The following CDC5L variants were observed in gnomAD, a reference collection of about 807,000 sequenced individuals.
CDC5L encodes the protein cell division cycle 5-like protein.
CDC5L carries 18 observed loss-of-function variants against 104.1 expected under a neutral mutation model. The ratio of observed to expected loss-of-function variants is 0.17; its 90% CI spans 0.12 to 0.26. The LOEUF is 0.26. CDC5L is among the 10% of genes least tolerant of loss of function. The pLI, the probability that CDC5L is intolerant of heterozygous loss-of-function variation, is 1.00. For missense variants in CDC5L, 673 were observed against 956.9 expected, an observed-to-expected ratio of 0.70 and a Z score of 3.91; for synonymous variants, 331 against 322.7, an observed-to-expected ratio of 1.03 and a Z score of -0.28.
At position 44,426,700 on chromosome 6, in the gene CDC5L, G is replaced by A. The variant is rs1238735468; in HGVS notation, c.1869G>A (p.Lys623=). The change falls in exon 13 of 16, where the codon AAG becomes AAA. Residue 623 remains lysine, a synonymous_variant. Coordinates refer to ENST00000371477, the MANE Select transcript of CDC5L (RefSeq NM_001253.4). ...ATCTGGAACATAATCCTTATGAAAA[G>A]TTCTCCAAAGAAGAGCTGAAAAAGG... ...ITYLEHNPYE[K]FSKEELKKAQ... is the part of the protein sequence containing the mutation. The A allele has an allele frequency of 6.2e-7, 1 of 1,612,732 alleles. No homozygotes were observed. The highest frequency in any genetic ancestry group is 8.5e-7 in the Non-Finnish European group (1 of 1,179,376).
intron 15 of CDC5L, 26 bp from the exon 16 acceptor site, chr6:44,446,581 T>A: frequency 8.7e-7 from 1 of 1,150,908 alleles, no homozygotes; most frequent in Non-Finnish European, 1.3e-6. Flanking sequence ...ACATCTAAAA[T>A]AATTACTTAA....
intron 5 of CDC5L, among the ~76,000 whole-genome samples, chr6:44,400,310 T>G (rs1194871176): frequency 6.6e-6 from 1 of 152,242 alleles, no homozygotes; most frequent in African/African-American, 2.4e-5. Context: ...ACATTTTAGA[T>G]GATATACTGT....
chr6:44,419,922 G>A (rs1792085250), intron 9 of CDC5L, among the ~76,000 whole-genome samples: 1 of 152,082 alleles, frequency 6.6e-6, no homozygotes, highest in Non-Finnish European at 1.5e-5. Context: ...ACAGACATCC[G>A]CCACCATGCC....
At chr6:44,392,494 T>C (rs1378568146) in intron 2 of CDC5L, among the ~76,000 whole-genome samples, 173 bp from the exon 3 acceptor site, 1 of 152,184 alleles carries the variant, frequency 6.6e-6, no homozygotes, top group Non-Finnish European at 1.5e-5. Flanking sequence ...TAGAATGTGA[T>C]GAGATGGGGA....
chr6:44,434,383 C>A (rs1259703788), intron 14 of CDC5L, among the ~76,000 whole-genome samples: 1 of 152,000 alleles, frequency 6.6e-6, no homozygotes, highest in African/African-American at 2.4e-5. Flanking sequence ...TAATTACTTT[C>A]TTGGACCTGC....
chr6:44,419,677 G>T, intron 9 of CDC5L, 80 bp downstream of exon 9: 1 of 1,032,632 alleles, frequency 9.7e-7, no homozygotes, highest in South Asian at 1.3e-5. Context: ...AATGTTTACG[G>T]AGAATGACTA....
chr6:44,400,168 G>T (rs1365374598), intron 5 of CDC5L, among the ~76,000 whole-genome samples: 1 of 151,960 alleles, frequency 6.6e-6, no homozygotes, highest in Non-Finnish European at 1.5e-5. Flanking sequence ...GAACATAATG[G>T]CTACTTTCAA....
intron 1 of CDC5L, among the ~76,000 whole-genome samples, chr6:44,389,392 A>G (rs555901039): frequency 6.6e-6 from 1 of 152,324 alleles, no homozygotes; most frequent in Non-Finnish European, 1.5e-5. Context: ...TGGGAGATGT[A>G]GAGGATGGAG....
At chr6:44,428,546 A>G (rs1367604702) in intron 13 of CDC5L, among the ~76,000 whole-genome samples, 1 of 152,148 alleles carries the variant, frequency 6.6e-6, no homozygotes, top group East Asian at 1.9e-4. Context: ...CTAATAACAA[A>G]CACATCTGAT....
In CDC5L at chr6:44,408,610, C is replaced by G; in HGVS notation, c.1070C>G (p.Ala357Gly). Residue 357 changes from alanine (A) to glycine (G), a missense_variant, in exon 8 of 16, where the codon GCT (alanine) becomes GGT (glycine). Coordinates refer to ENST00000371477, the MANE Select transcript of CDC5L (RefSeq NM_001253.4). The stretch of plus-strand genomic sequence containing the variant: ...GCTCTTAGAACACCACGAACACCAG[C>G]TTCCCAGGACAGAATTCTGCAGGTA... ...SVALRTPRTP[A>G]SQDRILQEAQ... 6.2e-7 allele frequency: 1 copy of G among 1,603,654 alleles called. No homozygotes were observed. Among genetic ancestry groups the G allele is most frequent in the East Asian group, 2.2e-5 (1 of 44,632 alleles).
At chr6:44,401,730 T>C (rs1422942873) in intron 5 of CDC5L, among the ~76,000 whole-genome samples, 1 of 151,570 alleles carries the variant, frequency 6.6e-6, no homozygotes, top group Non-Finnish European at 1.5e-5. Context: ...TGTATACATG[T>C]GCCATGCTGG....
chr6:44,440,560 A>G (rs1427392399), intron 14 of CDC5L, among the ~76,000 whole-genome samples: 1 of 152,050 alleles, frequency 6.6e-6, no homozygotes, highest in Non-Finnish European at 1.5e-5. Context: ...TAAAAGTTCT[A>G]TTTTAATTGA....
chr6:44,422,836 C>T (rs755032366), intron 10 of CDC5L, 27 bp downstream of exon 10: 82 of 1,538,286 alleles, frequency 5.3e-5, no homozygotes, highest in Admixed American at 7.9e-5. Flanking sequence ...TTTTAATACT[C>T]TTAAATTTTT....
At chr6:44,404,227 C>G (rs1429725000) in intron 6 of CDC5L, among the ~76,000 whole-genome samples, 200 bp downstream of exon 6, 1 of 152,124 alleles carries the variant, frequency 6.6e-6, no homozygotes, top group Non-Finnish European at 1.5e-5. Flanking sequence ...TTACTGAAGC[C>G]TTGACCTCCT....
Position 44,406,316 on chromosome 6 carries a change from A to C in CDC5L, c.759-7A>C. The C allele has an allele frequency of 6.3e-7, 1 of 1,595,408 alleles. No homozygotes were observed. The highest frequency in any genetic ancestry group is 8.6e-7 in the Non-Finnish European group (1 of 1,168,822). On this transcript the variant is annotated splice_polypyrimidine_tract_variant and splice_region_variant and intron_variant, in intron 6 of 15. Coordinates refer to ENST00000371477, the MANE Select transcript of CDC5L (RefSeq NM_001253.4). ...AAAAATCTCTTTTCTACTTTGATCCATGACAGTGAAAAAGAAGGAAGAGAT... is the reference window on the plus strand; with the variant it reads ...AAAAATCTCTTTTCTACTTTGATCCCTGACAGTGAAAAAGAAGGAAGAGAT...
intron 8 of CDC5L, among the ~76,000 whole-genome samples, chr6:44,415,753 T>C (rs1461119346): frequency 6.6e-6 from 1 of 152,128 alleles, no homozygotes; most frequent in Admixed American, 6.5e-5. Flanking sequence ...GCATGTGATA[T>C]TTGTTCTGGG....
chr6:44,396,236 TG>T, intron 4 of CDC5L, 104 bp from the exon 5 acceptor site: 1 of 616,748 alleles, frequency 1.6e-6, no homozygotes, highest in Non-Finnish European at 2.8e-6. Flanking sequence ...AGTATTTTTA[TG>T]TTTTTTTCTC....
intron 7 of CDC5L, 64 bp downstream of exon 7, chr6:44,406,531 A>G (rs1791371482): frequency 2.1e-6 from 3 of 1,438,432 alleles, no homozygotes; most frequent in South Asian, 1.2e-5. Flanking sequence ...TTATTCAGCA[A>G]ATGTTTGAAG....
chr6:44,419,478 T>C lies in CDC5L; in HGVS notation c.1122T>C (p.Asn374=). The change falls in exon 9 of 16, where the codon AAT becomes AAC. Residue 374 remains asparagine, a synonymous_variant. Transcript: ENST00000371477. ...QEAQNLMALT[N]VDTPLKGGLN... is the part of the protein sequence containing the mutation. ...CCCAGAACCTCATGGCCCTCACCAATGTGGACACCCCATTGAAAGGTGGAC... is the reference window on the plus strand; with the variant it reads ...CCCAGAACCTCATGGCCCTCACCAACGTGGACACCCCATTGAAAGGTGGAC... The C allele has an allele frequency of 1.9e-6, 3 of 1,614,182 alleles. No individual in the cohort carries two copies. The highest frequency in any genetic ancestry group is 2.5e-6 in the Non-Finnish European group (3 of 1,180,014).
Sources: gnomAD v4.1 joint callset for allele counts (sites outside exome capture counted in the v4.1 genomes callset) on GRCh38, gnomAD v4.1.1 for gene constraint, MANE v1.5 for transcripts, NCBI Gene and HGNC (gene_info 2026-07-23, HGNC 2026-07-21) for gene names.